The following ANKRD26 variants were observed in gnomAD, a reference collection of about 807,000 sequenced individuals.
ANKRD26 encodes the protein ankyrin repeat domain 26.
Under a neutral mutation model 208.7 loss-of-function variants are expected in ANKRD26, and 141 were observed. The observed-to-expected ratio is 0.68, with a 90% CI of 0.59 to 0.78. The LOEUF (loss-of-function observed/expected upper bound fraction) is 0.78, where lower values mean the gene tolerates loss of function less well. Among genes scored for constraint, ANKRD26 ranks in the 30% least tolerant of loss-of-function variants. The pLI is 0.00. For missense variants in ANKRD26, 1,889 were observed against 1,938.7 expected (o/e 0.97, Z 0.48); for synonymous variants, 636 against 660.4 (o/e 0.96, Z 0.57).
At chr10:27,070,572 A>C (rs914920349) in intron 9 of ANKRD26, among the ~76,000 whole-genome samples, 2 of 152,226 alleles carry the variant, frequency 1.3e-5, no homozygotes, top group Non-Finnish European at 2.9e-5. Flanking sequence ...AAGGTTTAAC[A>C]ACTATGAATA....
chr10:26,976,197 T>C (rs996490433), intron 5 of ANKRD26, among the ~76,000 whole-genome samples: 1 of 146,608 alleles, frequency 6.8e-6, no homozygotes, highest in Non-Finnish European at 1.5e-5. Context: ...GCACCTCTTG[T>C]ATCAGCATAT....
At chr10:26,964,299 C>G in the ANKRD26 span, among the ~76,000 whole-genome samples, 1 of 152,106 alleles carries the variant, frequency 6.6e-6, no homozygotes, top group African/African-American at 2.4e-5. Context: ...TGTAGCTGAT[C>G]AGAGAACCAC....
chr10:26,957,230 G>A, the ANKRD26 span, among the ~76,000 whole-genome samples: 1 of 152,062 alleles, frequency 6.6e-6, no homozygotes, highest in Non-Finnish European at 1.5e-5. Flanking sequence ...CAACATGGCT[G>A]TACAAAAATT....
At chr10:27,098,405 T>C (rs1418924129) in intron 1 of ANKRD26, among the ~76,000 whole-genome samples, 1 of 152,194 alleles carries the variant, frequency 6.6e-6, no homozygotes, top group Non-Finnish European at 1.5e-5. Flanking sequence ...GATTTTTATC[T>C]GTGCAAGATT....
chr10:27,004,680 T>C lies in ANKRD26; in HGVS notation c.*910A>G, dbSNP rs947878066. 4 of 152,098 alleles carry C rather than the reference T, an allele frequency of 2.6e-5. No individual in the cohort carries two copies. Among genetic ancestry groups the C allele is most frequent in the African/African-American group, 9.7e-5 (4 of 41,418 alleles). The allele number at this position is 152,098 out of a possible 1,614,324, so 9.4% of individuals were successfully genotyped here. Reference sequence around the variant, plus strand: ...TAAATCTAATCACCATGAAACCCAATTGAGGGACATTCTTATATTACCAGA... The same window carrying C: ...TAAATCTAATCACCATGAAACCCAACTGAGGGACATTCTTATATTACCAGA... On this transcript the variant is annotated 3_prime_UTR_variant, in exon 34 of 34. Coordinates refer to ENST00000376087, the MANE Select transcript of ANKRD26 (RefSeq NM_014915.3).
At chr10:27,082,761 G>A (rs2055971896) in intron 6 of ANKRD26, 42 bp downstream of exon 6, 3 of 1,546,490 alleles carry the variant, frequency 1.9e-6, no homozygotes, top group East Asian at 2.4e-5. Flanking sequence ...TCTTTTCTCT[G>A]TATTCCTTTA....
intron 5 of ANKRD26, among the ~76,000 whole-genome samples, chr10:27,083,962 C>A (rs1172281073): frequency 2.0e-5 from 3 of 152,170 alleles, no homozygotes; most frequent in African/African-American, 4.8e-5. Flanking sequence ...TGCCTGTTAT[C>A]CCAGCACTTT....
In ANKRD26 at chr10:27,082,721, T is replaced by C. The variant is rs12250031; in HGVS notation, c.740+82A>G. The C allele has an allele frequency of 0.021, 30,745 of 1,497,934 alleles. 4,770 individuals are homozygous for C. In the African/African-American group the frequency reaches 0.36, roughly 17 times the overall value. 92.8% of individuals were successfully genotyped at this position (1,497,934 alleles called of 1,614,324 possible). A position where few individuals can be genotyped will look rare whatever the true frequency, so the allele number is the denominator to read the frequency against. On this transcript the variant is annotated intron_variant, in intron 6 of 33. Transcript: ENST00000376087. ...CTATATGGAGAAGCACATAATATGG[T>C]GTCTACCCAGAGTAGGGCACTCAAC...
rs557821284 is a variant in ANKRD26 at position 27,014,542 on chromosome 10, T to C, written c.4676A>G (p.Tyr1559Cys). The C allele has an allele frequency of 3.3e-5, 53 of 1,599,170 alleles. No individual in the cohort carries two copies. Among genetic ancestry groups the C allele is most frequent in the Non-Finnish European group, 4.1e-5 (48 of 1,170,226 alleles). The change falls in exon 31 of 34, where the codon TAT becomes TGT. Residue 1559 changes from tyrosine to cysteine, a missense_variant. Physicochemically the swap from Tyr to Cys is radical, Grantham distance 194 (BLOSUM62 -2). Around this residue, in one of 3 missense-constraint regions of ANKRD26, gnomAD observed 613 missense variants for 648.2 expected, o/e 0.95. Coordinates refer to ENST00000376087, the MANE Select transcript of ANKRD26 (RefSeq NM_014915.3). The part of the protein sequence containing the change: ...KTELEKYKQL[Y>C]LEELKVRKSL... ...TTTTCTAACTTTTAATTCTTCTAGA[T>C]AGAGTTGCTTATATTTTTCCAGTTC... is the stretch of plus-strand genomic sequence containing the variant.
intron 29 of ANKRD26, among the ~76,000 whole-genome samples, chr10:27,019,162 C>T (rs2053404783): frequency 6.6e-6 from 1 of 152,078 alleles, no homozygotes; most frequent in African/African-American, 2.4e-5. Context: ...CACCTGTAGT[C>T]CCAGCTACTC....
intron 32 of ANKRD26, among the ~76,000 whole-genome samples, chr10:27,007,781 T>C (rs150035880): frequency 1.2e-3 from 187 of 152,332 alleles, no homozygotes; most frequent in African/African-American, 4.2e-3. Context: ...GATGCTATTA[T>C]AATGTCATGT....
At chr10:27,024,653 G>T in intron 27 of ANKRD26, 94 bp from the exon 28 acceptor site, 1 of 684,820 alleles carries the variant, frequency 1.5e-6, no homozygotes, top group Non-Finnish European at 2.5e-6. Flanking sequence ...AGTAACATAT[G>T]TTTAGGCATA....
chr10:26,962,586 T>C, the ANKRD26 span, among the ~76,000 whole-genome samples: 3 of 151,004 alleles, frequency 2.0e-5, no homozygotes, highest in East Asian at 2.0e-4. Context: ...ATCAATCAAT[T>C]AATAAATAAA....
chr10:27,000,368 A>G (rs763496958), downstream of ANKRD26, among the ~76,000 whole-genome samples: 70 of 152,334 alleles, frequency 4.6e-4, no homozygotes, highest in Middle Eastern at 3.4e-3. Context: ...TGCAATTTCA[A>G]CAAAATGTGG....
intron 17 of ANKRD26, among the ~76,000 whole-genome samples, chr10:27,047,722 C>CTACTAA (rs1235967013): frequency 2.8e-5 from 4 of 145,156 alleles, no homozygotes; most frequent in African/African-American, 7.9e-5. Flanking sequence ...ACTACTACTA[C>CTACTAA]TAATAATAAT....
chr10:27,043,354 C>T, intron 20 of ANKRD26, 72 bp downstream of exon 20: 1 of 1,524,788 alleles, frequency 6.6e-7, no homozygotes, highest in Non-Finnish European at 9.1e-7. Flanking sequence ...GCTAAATGTA[C>T]ATACATTTAT....
At chr10:26,947,905 A>G in the ANKRD26 span, among the ~76,000 whole-genome samples, 2 of 152,228 alleles carry the variant, frequency 1.3e-5, no homozygotes, top group African/African-American at 4.8e-5. Flanking sequence ...TAAGAAGTAG[A>G]GTTGAGATTT....
intron 27 of ANKRD26, among the ~76,000 whole-genome samples, chr10:27,025,313 G>C (rs1456407976): frequency 2.0e-5 from 3 of 152,048 alleles, no homozygotes; most frequent in African/African-American, 7.2e-5. Context: ...TAGGATAACA[G>C]GCATGCACCA....
chr10:27,029,884 G>A (rs1589242585), intron 25 of ANKRD26, among the ~76,000 whole-genome samples: 1 of 152,136 alleles, frequency 6.6e-6, no homozygotes, highest in African/African-American at 2.4e-5. Flanking sequence ...GGAATGGCCG[G>A]GTGGGAATCC....
Sources: gnomAD v4.1 joint callset for allele counts (sites outside exome capture counted in the v4.1 genomes callset) on GRCh38, gnomAD v4.1.1 for gene constraint, gnomAD v4.1.1 regional missense constraint, MANE v1.5 for transcripts, NCBI Gene and HGNC (gene_info 2026-07-23, HGNC 2026-07-21) for gene names.